Variants in MUC7 observed in about 807,000 individuals in gnomAD.
MUC7 encodes mucin 7, secreted, also known as mucin-7.
A neutral mutation model predicts 2.5 loss-of-function variants in MUC7; 2 were observed. That is an observed-to-expected ratio of 0.81 (90% CI 0.33 to 2.55). The LOEUF is 2.55. MUC7 is among the 30% of genes most tolerant of loss of function. The pLI is 0.11. For missense variants in MUC7, 408 were observed against 455.6 expected (o/e 0.90, Z 0.95); for synonymous variants, 133 against 173.4 (o/e 0.77, Z 1.83).
At chr4:70,467,091 C>A (rs1326398637) in intron 1 of MUC7, among the ~76,000 whole-genome samples, 1 of 152,166 alleles carries the variant, frequency 6.6e-6, no homozygotes, top group East Asian at 1.9e-4. Flanking sequence ...AATTAGAACT[C>A]AGGATTAAGA....
At chr4:70,465,075 C>T (rs1023345147) in intron 1 of MUC7, among the ~76,000 whole-genome samples, 1 of 152,234 alleles carries the variant, frequency 6.6e-6, no homozygotes, top group African/African-American at 2.4e-5. Context: ...CCTTGCTGTT[C>T]TGCAGCCTCC....
chr4:70,434,172 C>G (rs1278941909), intron 1 of MUC7, among the ~76,000 whole-genome samples: 1 of 151,992 alleles, frequency 6.6e-6, no homozygotes, highest in African/African-American at 2.4e-5. Flanking sequence ...CAAAACTGGC[C>G]TAAAATTAAC....
At chr4:70,479,475 A>T (rs1431955713) in intron 2 of MUC7, among the ~76,000 whole-genome samples, 1 of 152,222 alleles carries the variant, frequency 6.6e-6, no homozygotes, top group African/African-American at 2.4e-5. Context: ...GACTGGAATG[A>T]TTTACCCATT....
intron 1 of MUC7, among the ~76,000 whole-genome samples, chr4:70,462,263 CTT>C (rs1734575326): frequency 6.6e-6 from 1 of 151,756 alleles, no homozygotes; most frequent in Non-Finnish European, 1.5e-5. Context: ...AACAAGCTAA[CTT>C]AAGTAGCAAA....
chr4:70,437,336 G>A (rs1440779659), intron 1 of MUC7, among the ~76,000 whole-genome samples: 2 of 152,210 alleles, frequency 1.3e-5, no homozygotes, highest in Non-Finnish European at 2.9e-5. Flanking sequence ...CAGTAGCCTT[G>A]CTGAGCTGCA....
chr4:70,446,722 C>T (rs1156529102), intron 1 of MUC7, among the ~76,000 whole-genome samples: 1 of 152,184 alleles, frequency 6.6e-6, no homozygotes, highest in East Asian at 1.9e-4. Context: ...TACCATGCTT[C>T]TCTTCTTATC....
At chr4:70,444,934 T>C (rs10903216) in intron 1 of MUC7, among the ~76,000 whole-genome samples, 126,454 of 152,084 alleles carry the variant, frequency 0.83, 52,787 homozygotes, top group Middle Eastern at 0.9. Flanking sequence ...CGCCTGTAGT[T>C]CCAGCTACTT....
At chr4:70,464,568 G>T (rs184148593) in intron 1 of MUC7, among the ~76,000 whole-genome samples, 1 of 152,232 alleles carries the variant, frequency 6.6e-6, no homozygotes, top group East Asian at 1.9e-4. Context: ...CGGGGGAGGG[G>T]AATCTGCCAT....
At chr4:70,473,566 C>G (rs983139810) in intron 1 of MUC7, among the ~76,000 whole-genome samples, 3 of 152,140 alleles carry the variant, frequency 2.0e-5, no homozygotes, top group African/African-American at 7.2e-5. Context: ...TATAGCACAG[C>G]GACAAAGAGC....
chr4:70,441,390 C>T (rs1010980278), intron 1 of MUC7, among the ~76,000 whole-genome samples: 7 of 152,014 alleles, frequency 4.6e-5, no homozygotes, highest in African/African-American at 1.7e-4. Context: ...TCCACTATAT[C>T]GGAAATACTT....
intron 1 of MUC7, among the ~76,000 whole-genome samples, chr4:70,465,313 G>A (rs955905251): frequency 2.0e-4 from 30 of 152,200 alleles, no homozygotes; most frequent in African/African-American, 6.8e-4. Context: ...CAAAAAGGCT[G>A]AAAATTCCAA....
chr4:70,460,769 G>T (rs1431678747), intron 1 of MUC7, among the ~76,000 whole-genome samples: 1 of 152,148 alleles, frequency 6.6e-6, no homozygotes, highest in Non-Finnish European at 1.5e-5. Flanking sequence ...GACACTGGGG[G>T]ATGTCAGTGG....
At chr4:70,457,213 G>T (rs999265887) in intron 1 of MUC7, among the ~76,000 whole-genome samples, 1 of 152,152 alleles carries the variant, frequency 6.6e-6, no homozygotes, top group South Asian at 2.1e-4. Flanking sequence ...GAAGCCAAGG[G>T]GGGAGGACTG....
chr4:70,473,998 T>A lies in MUC7; in HGVS notation c.-15-9T>A. 6.2e-7 allele frequency: 1 copy of A among 1,602,168 alleles called. No homozygotes were observed. On this transcript the variant is annotated splice_polypyrimidine_tract_variant and intron_variant, in intron 1 of 2. Coordinates refer to ENST00000304887, the MANE Select transcript of MUC7 (RefSeq NM_152291.3). ...AACTAATAGTACGCCACATTTCTGC[T>A]TTTCCCAGGAGACATCAGAAAGAAT... is the stretch of plus-strand genomic sequence containing the variant.
At chr4:70,475,312 G>A (rs560631483) in intron 2 of MUC7, among the ~76,000 whole-genome samples, 9 of 151,920 alleles carry the variant, frequency 5.9e-5, no homozygotes, top group Non-Finnish European at 1.3e-4. Flanking sequence ...GAACAAAAAC[G>A]TTCTAGTTTG....
At chr4:70,473,040 A>C (rs1460266362) in intron 1 of MUC7, among the ~76,000 whole-genome samples, 1 of 152,184 alleles carries the variant, frequency 6.6e-6, no homozygotes, top group Non-Finnish European at 1.5e-5. Context: ...TCTCTTTTGC[A>C]AGTAGTTATT....
At chr4:70,450,710 C>A (rs371189639) in intron 1 of MUC7, among the ~76,000 whole-genome samples, 6 of 152,142 alleles carry the variant, frequency 3.9e-5, no homozygotes, top group African/African-American at 1.4e-4. Flanking sequence ...AGCAGGTTCC[C>A]TTCTGGCCCA....
chr4:70,478,913 C>A (rs1553920262), intron 2 of MUC7, among the ~76,000 whole-genome samples: 2 of 152,140 alleles, frequency 1.3e-5, no homozygotes, highest in Non-Finnish European at 2.9e-5. Context: ...GGAAAAATAC[C>A]AAAGTCATGT....
At chr4:70,450,772 A>G (rs374229567) in intron 1 of MUC7, among the ~76,000 whole-genome samples, 14 of 152,270 alleles carry the variant, frequency 9.2e-5, no homozygotes, top group African/African-American at 3.1e-4. Context: ...CAAGGGCCTC[A>G]TGACTCTGAC....
Sources: allele counts gnomAD v4.1 joint callset (sites outside exome capture counted in the v4.1 genomes callset), GRCh38; gene constraint gnomAD v4.1.1; transcripts MANE v1.5; gene names NCBI Gene and HGNC (gene_info 2026-07-23, HGNC 2026-07-21).